The following HIVEP3 variants were observed in gnomAD, a reference collection of about 807,000 sequenced individuals.
HIVEP3 encodes HIVEP zinc finger 3, also known as transcription factor HIVEP3.
A neutral mutation model predicts 152.8 loss-of-function variants in HIVEP3; 49 were observed. That is an observed-to-expected ratio of 0.32 (90% CI 0.26 to 0.41). The LOEUF is 0.41. Ranked by LOEUF, HIVEP3 falls within the 10% of genes least tolerant of loss-of-function variation. The probability of loss-of-function intolerance (pLI) is 1.00; values close to 1 mark genes in which losing one functional copy is unlikely to be tolerated. For missense variants in HIVEP3, 2,790 were observed against 3,103.3 expected (o/e 0.90, Z 2.40); for synonymous variants, 1,269 against 1,289.0 (o/e 0.98, Z 0.33).
chr1:41,881,906 G>C (rs1644267621), intron 1 of HIVEP3, among the ~76,000 whole-genome samples: 1 of 152,214 alleles, frequency 6.6e-6, no homozygotes, highest in Admixed American at 6.5e-5. Context: ...CAGAGTGTAA[G>C]AGAGTTGATG....
intron 1 of HIVEP3, among the ~76,000 whole-genome samples, chr1:41,931,925 A>C (rs1391566038): frequency 6.6e-6 from 1 of 151,274 alleles, no homozygotes; most frequent in Non-Finnish European, 1.5e-5. Context: ...CTTCCTTTTA[A>C]ATCTTTTTGC....
intron 1 of HIVEP3, among the ~76,000 whole-genome samples, chr1:41,900,098 C>G (rs1644596369): frequency 6.6e-6 from 1 of 152,192 alleles, no homozygotes; most frequent in African/African-American, 2.4e-5. Context: ...AAAGCCTTCT[C>G]TGCCCAGGCC....
intron 1 of HIVEP3, among the ~76,000 whole-genome samples, chr1:41,994,622 T>C (rs992047624): frequency 5.3e-5 from 8 of 152,194 alleles, no homozygotes; most frequent in African/African-American, 1.9e-4. Flanking sequence ...CCTTCCACCA[T>C]GACTGTAAGT....
chr1:41,905,015 G>C (rs778692552), intron 1 of HIVEP3, among the ~76,000 whole-genome samples: 1 of 152,154 alleles, frequency 6.6e-6, no homozygotes, highest in African/African-American at 2.4e-5. Context: ...TTCCTTTGCC[G>C]TGTCTCTAGT....
At chr1:41,985,085 A>G (rs56735630) in intron 1 of HIVEP3, among the ~76,000 whole-genome samples, 1,921 of 152,260 alleles carry the variant, frequency 0.013, 32 homozygotes, top group African/African-American at 0.043. Context: ...CAAGGAGACA[A>G]CTTTCAAGTT....
intron 1 of HIVEP3, among the ~76,000 whole-genome samples, chr1:41,933,522 T>C (rs1645005111): frequency 6.6e-6 from 1 of 152,152 alleles, no homozygotes. Context: ...AGCATATCTT[T>C]TTCTATTCTA....
At chr1:41,603,221 C>T (rs2149126055) in intron 3 of HIVEP3, among the ~76,000 whole-genome samples, 1 of 152,220 alleles carries the variant, frequency 6.6e-6, no homozygotes, top group Admixed American at 6.5e-5. Context: ...CACGCACTGT[C>T]ATGCTCAGCT....
intron 1 of HIVEP3, among the ~76,000 whole-genome samples, chr1:41,967,898 G>T (rs1645208289): frequency 6.6e-6 from 1 of 152,126 alleles, no homozygotes; most frequent in African/African-American, 2.4e-5. Flanking sequence ...AACTATCAGA[G>T]AACATTATTC....
In HIVEP3 at chr1:41,584,998, G is replaced by C; in HGVS notation, c.-201C>G. 1 of 428,458 alleles carries C rather than the reference G, an allele frequency of 2.3e-6. No homozygotes were observed. Among genetic ancestry groups the C allele is most frequent in the East Asian group, 3.4e-5 (1 of 29,090 alleles). 26.5% of individuals were successfully genotyped at this position (428,458 alleles called of 1,614,324 possible). A position where few individuals can be genotyped will look rare whatever the true frequency, so the allele number is the denominator to read the frequency against. ...CTCGGAGCAGGTCATCAGGGCCCACGCTATTCTATTGGTGAGGCATGGCCC... is the reference window on the plus strand; with the variant it reads ...CTCGGAGCAGGTCATCAGGGCCCACCCTATTCTATTGGTGAGGCATGGCCC... On this transcript the variant is annotated 5_prime_UTR_variant, in exon 4 of 9. Transcript: ENST00000372583. The surrounding 1 kb of genome is among the most constrained non-coding windows in gnomAD (Gnocchi z 5.2).
chr1:41,865,009 T>G (rs1570695521), intron 1 of HIVEP3, among the ~76,000 whole-genome samples: 1 of 152,190 alleles, frequency 6.6e-6, no homozygotes, highest in Admixed American at 6.5e-5. Flanking sequence ...GCTGGGACAG[T>G]TAAACAGCAA....
intron 1 of HIVEP3, among the ~76,000 whole-genome samples, chr1:41,950,971 A>G (rs1385633273): frequency 6.6e-6 from 1 of 152,220 alleles, no homozygotes; most frequent in African/African-American, 2.4e-5. Flanking sequence ...ATATTGAGCT[A>G]GTCAGTCACC....
intron 1 of HIVEP3, among the ~76,000 whole-genome samples, chr1:42,007,878 G>A (rs1383187671): frequency 6.6e-6 from 1 of 152,154 alleles, no homozygotes; most frequent in African/African-American, 2.4e-5. Flanking sequence ...CCCCATGACA[G>A]TCCATGCTCT....
intron 2 of HIVEP3, among the ~76,000 whole-genome samples, chr1:41,679,039 A>T (rs145481478): frequency 1.9e-3 from 295 of 152,308 alleles, no homozygotes; most frequent in African/African-American, 6.8e-3. Flanking sequence ...CCCAGGGAGA[A>T]GGTGCTCCAC....
chr1:41,781,849 T>C (rs947395113), intron 1 of HIVEP3, among the ~76,000 whole-genome samples: 4 of 152,220 alleles, frequency 2.6e-5, no homozygotes, highest in Non-Finnish European at 4.4e-5. Context: ...CTTGTCGCTC[T>C]TCAAGTCTCA....
At chr1:42,016,995 T>C (rs1252922918) in intron 1 of HIVEP3, among the ~76,000 whole-genome samples, 2 of 152,180 alleles carry the variant, frequency 1.3e-5, no homozygotes, top group East Asian at 3.8e-4. Context: ...ATTATTCTAA[T>C]AATCAAACAT....
intron 1 of HIVEP3, among the ~76,000 whole-genome samples, chr1:41,720,339 GA>G (rs1283960684): frequency 2.0e-5 from 3 of 152,312 alleles, no homozygotes; most frequent in Non-Finnish European, 2.9e-5. Context: ...TCAACAAATA[GA>G]ATGGTTCATT....
intron 1 of HIVEP3, among the ~76,000 whole-genome samples, chr1:41,766,767 G>A (rs1405387028): frequency 6.6e-6 from 1 of 152,150 alleles, no homozygotes; most frequent in Non-Finnish European, 1.5e-5. Flanking sequence ...TCTCCACTAG[G>A]CTTGGAGTCT....
chr1:41,859,575 A>G (rs954476378), intron 1 of HIVEP3, among the ~76,000 whole-genome samples: 1 of 152,198 alleles, frequency 6.6e-6, no homozygotes, highest in Non-Finnish European at 1.5e-5. Flanking sequence ...CTGGCCACCT[A>G]GAGCATCTCT....
Position 41,555,924 on chromosome 1 carries a change from G to T in HIVEP3, c.5207+19620C>A, listed in dbSNP as rs80340792. 2.9e-3 allele frequency among the ~76,000 whole-genome samples: 440 copies of T among 152,306 alleles called. 4 individuals are homozygous for T. Among genetic ancestry groups the T allele is most frequent in the African/African-American group, 9.8e-3 (408 of 41,546 alleles). On this transcript the variant is annotated intron_variant, in intron 5 of 8. Coordinates refer to ENST00000372583, the MANE Select transcript of HIVEP3 (RefSeq NM_024503.5). The stretch of plus-strand genomic sequence containing the variant: ...TGACTGGCTTAGTTCACGCAGCATG[G>T]TGTCCTCAAGGTTCATCCACGTGTG...
Sources: allele counts gnomAD v4.1 joint callset (sites outside exome capture counted in the v4.1 genomes callset), GRCh38; gene constraint gnomAD v4.1.1; non-coding constraint Gnocchi (gnomAD v3.1); transcripts MANE v1.5; gene names NCBI Gene and HGNC (gene_info 2026-07-23, HGNC 2026-07-21).